SPAG16: variants seen among roughly 807,000 people sequenced by gnomAD.
The protein encoded by SPAG16 is sperm associated antigen 16, also known as sperm-associated antigen 16 protein.
Under a neutral mutation model 80.4 loss-of-function variants are expected in SPAG16, and 86 were observed. That is an observed-to-expected ratio of 1.07 (90% confidence interval 0.90 to 1.28). The LOEUF (loss-of-function observed/expected upper bound fraction) is 1.28. SPAG16 is among the 50% of genes most tolerant of loss of function. The pLI is 0.00. For synonymous variants in SPAG16, 294 were observed against 265.9 expected (o/e 1.11, Z -1.03); for missense variants, 870 against 765.3 (o/e 1.14, Z -1.61).
intron 11 of SPAG16, among the ~76,000 whole-genome samples, chr2:213,867,899 G>A (rs2075758844): frequency 8.1e-6 from 1 of 123,230 alleles, no homozygotes; most frequent in Admixed American, 1.0e-4. Flanking sequence ...ACTCCAGCTT[G>A]GGTGACAGAG....
At chr2:213,735,325 TA>T (rs1465881132) in intron 10 of SPAG16, among the ~76,000 whole-genome samples, 4 of 152,132 alleles carry the variant, frequency 2.6e-5, no homozygotes, top group Non-Finnish European at 5.9e-5. Context: ...CAATTCAAAA[TA>T]AAAATAATAG....
At chr2:214,233,000 A>C (rs1362784930) in intron 15 of SPAG16, among the ~76,000 whole-genome samples, 7 of 152,126 alleles carry the variant, frequency 4.6e-5, no homozygotes, top group Non-Finnish European at 1.0e-4. Flanking sequence ...TAAAATGTGC[A>C]GTGAAAGAAG....
chr2:213,317,131 C>T, intron 4 of SPAG16, 88 bp from the exon 5 acceptor site: 1 of 751,818 alleles, frequency 1.3e-6, no homozygotes, highest in Non-Finnish European at 2.2e-6. Flanking sequence ...ATAACACTCC[C>T]TGAGACTTAA....
intron 10 of SPAG16, among the ~76,000 whole-genome samples, chr2:213,630,400 A>G (rs2062106452): frequency 1.3e-5 from 2 of 151,716 alleles, no homozygotes; most frequent in Non-Finnish European, 2.9e-5. Context: ...AAAAAAAAAG[A>G]TGTTTCTGTC....
intron 10 of SPAG16, among the ~76,000 whole-genome samples, chr2:213,845,592 A>C (rs2074583000): frequency 6.6e-6 from 1 of 152,222 alleles, no homozygotes; most frequent in African/African-American, 2.4e-5. Context: ...AATGGGTAAA[A>C]TAAGTACAGA....
chr2:213,317,142 C>A lies in SPAG16; in HGVS notation c.399-77C>A, dbSNP rs1490623193. On this transcript the variant is annotated intron_variant, in intron 4 of 15. Coordinates refer to ENST00000331683, the MANE Select transcript of SPAG16 (RefSeq NM_024532.5). Reference sequence around the variant, plus strand: ...TACTATAACACTCCCTGAGACTTAACTTTTTGAATTGTACATAAATTAAGC... The same window carrying A: ...TACTATAACACTCCCTGAGACTTAAATTTTTGAATTGTACATAAATTAAGC... The A allele has an allele frequency of 9.0e-6, 8 of 886,602 alleles. No individual in the cohort carries two copies. The Admixed American group carries it at 1.9e-4, about 21-fold the overall frequency. 54.9% of individuals were successfully genotyped at this position (886,602 alleles called of 1,614,324 possible). A position where few individuals can be genotyped will look rare whatever the true frequency, so the allele number is the denominator to read the frequency against.
At chr2:213,548,490 C>T (rs1383263154) in intron 10 of SPAG16, among the ~76,000 whole-genome samples, 5 of 152,158 alleles carry the variant, frequency 3.3e-5, no homozygotes, top group Non-Finnish European at 5.9e-5. Context: ...GGATTATAGG[C>T]GTAAGCCACT....
intron 1 of SPAG16, 31 bp downstream of exon 1, chr2:213,284,650 C>T (rs1342618667): frequency 1.3e-6 from 2 of 1,595,224 alleles, no homozygotes; most frequent in Non-Finnish European, 1.7e-6. Context: ...CGGCCCGCTG[C>T]GCTGGCGGGT....
At chr2:213,674,290 C>G (rs2063942314) in intron 10 of SPAG16, among the ~76,000 whole-genome samples, 1 of 151,664 alleles carries the variant, frequency 6.6e-6, no homozygotes, top group Non-Finnish European at 1.5e-5. Flanking sequence ...TGGGATTAGA[C>G]TTTGGAGCAA....
At chr2:213,774,703 A>C (rs1429742437) in intron 10 of SPAG16, among the ~76,000 whole-genome samples, 7 of 152,182 alleles carry the variant, frequency 4.6e-5, no homozygotes, top group Non-Finnish European at 5.9e-5. Flanking sequence ...TGTGTAAAGA[A>C]ACACTTAACA....
intron 15 of SPAG16, among the ~76,000 whole-genome samples, chr2:214,386,720 C>T (rs775218332): frequency 3.3e-4 from 50 of 151,984 alleles, no homozygotes; most frequent in Non-Finnish European, 3.4e-4. Flanking sequence ...AAGTTTTAGC[C>T]TGGCATGGTT....
chr2:213,541,786 G>T (rs1333385610), intron 10 of SPAG16, among the ~76,000 whole-genome samples: 1 of 152,096 alleles, frequency 6.6e-6, no homozygotes, highest in African/African-American at 2.4e-5. Flanking sequence ...GCAAAAGCAG[G>T]TGGATAATTA....
chr2:214,007,391 T>C (rs1327988667), intron 12 of SPAG16, among the ~76,000 whole-genome samples: 1 of 151,940 alleles, frequency 6.6e-6, no homozygotes, highest in Non-Finnish European at 1.5e-5. Context: ...AGGCCACAAG[T>C]TTGAGACCAG....
intron 9 of SPAG16, among the ~76,000 whole-genome samples, chr2:213,435,378 G>A (rs1170206257): frequency 6.6e-6 from 1 of 152,132 alleles, no homozygotes; most frequent in Non-Finnish European, 1.5e-5. Context: ...TTGGAGCCTG[G>A]GAAAGGTGGG....
intron 10 of SPAG16, among the ~76,000 whole-genome samples, chr2:213,588,807 T>TAAAA (rs2060568700): frequency 1.6e-4 from 1 of 6,256 alleles, no homozygotes; most frequent in Non-Finnish European, 5.3e-4. Context: ...AGACTCCGTC[T>TAAAA]CAAAAAAAAA....
chr2:214,317,935 G>C (rs1695803930), intron 15 of SPAG16, among the ~76,000 whole-genome samples: 2 of 152,198 alleles, frequency 1.3e-5, no homozygotes, highest in Non-Finnish European at 2.9e-5. Context: ...TTGTGAATCA[G>C]AAAGCCTTCA....
intron 9 of SPAG16, among the ~76,000 whole-genome samples, chr2:213,390,772 C>T (rs1028283349): frequency 1.8e-4 from 27 of 152,072 alleles, no homozygotes; most frequent in African/African-American, 6.5e-4. Context: ...CCATTAATAA[C>T]TTATGATGCA....
At chr2:214,025,374 C>G (rs868553597) in intron 13 of SPAG16, among the ~76,000 whole-genome samples, 34 of 151,566 alleles carry the variant, frequency 2.2e-4, no homozygotes, top group African/African-American at 7.7e-4. Flanking sequence ...ACCTATCTTA[C>G]TTGTAGCCTC....
chr2:214,035,864 A>C (rs1206851537), intron 13 of SPAG16, among the ~76,000 whole-genome samples: 5 of 152,162 alleles, frequency 3.3e-5, no homozygotes, highest in Admixed American at 1.3e-4. Context: ...AGGGGATGGC[A>C]CTTCTGCCTG....
Sources: allele counts gnomAD v4.1 joint callset (sites outside exome capture counted in the v4.1 genomes callset), GRCh38; gene constraint gnomAD v4.1.1; transcripts MANE v1.5; gene names NCBI Gene and HGNC (gene_info 2026-07-23, HGNC 2026-07-21).